The following PID1 variants were observed in gnomAD, a reference collection of about 807,000 sequenced individuals.
PID1 encodes PTB-containing, cubilin and LRP1-interacting protein.
Under a neutral mutation model 19.1 loss-of-function variants are expected in PID1, and 10 were observed. The ratio of observed to expected loss-of-function variants is 0.52; its 90% CI spans 0.32 to 0.89. The LOEUF (loss-of-function observed/expected upper bound fraction) is 0.89. Among genes scored for constraint, PID1 ranks in the 40% least tolerant of loss-of-function variants. The pLI is 0.03. For synonymous variants in PID1, 130 were observed against 116.0 expected (o/e 1.12, Z -0.78); for missense variants, 248 against 285.3 (o/e 0.87, Z 0.94).
At chr2:229,123,383 C>A (rs1408430473) in intron 2 of PID1, among the ~76,000 whole-genome samples, 1 of 152,160 alleles carries the variant, frequency 6.6e-6, no homozygotes, top group Non-Finnish European at 1.5e-5. Context: ...AAATAATAGA[C>A]TATTTTATGG....
intron 2 of PID1, among the ~76,000 whole-genome samples, chr2:229,132,380 C>A (rs1376023916): frequency 6.6e-6 from 1 of 152,162 alleles, no homozygotes; most frequent in Non-Finnish European, 1.5e-5. Context: ...AACTGCCTTT[C>A]GAACCACATG....
chr2:229,047,801 G>A (rs1417056958), intron 2 of PID1, among the ~76,000 whole-genome samples: 1 of 152,130 alleles, frequency 6.6e-6, no homozygotes, highest in African/African-American at 2.4e-5. Context: ...ACACCTCTTA[G>A]AAACAAAATG....
chr2:229,219,219 C>A lies in PID1; in HGVS notation c.30+51795G>T, dbSNP rs377192302. Among the ~76,000 whole-genome samples the A allele has an allele frequency of 3.3e-5, 5 of 152,188 alleles. No individual in the cohort carries two copies. In the East Asian group the frequency reaches 9.7e-4, roughly 29 times the overall value. On this transcript the variant is annotated intron_variant, in intron 1 of 2. Transcript: ENST00000392055. ...TTCTCACACTGCTAATAAAGATACACCCGAGACGCGAGACTGGGTATTTTG... is the reference window on the plus strand; with the variant it reads ...TTCTCACACTGCTAATAAAGATACAACCGAGACGCGAGACTGGGTATTTTG...
intron 2 of PID1, among the ~76,000 whole-genome samples, chr2:229,103,190 C>T (rs1350793514): frequency 6.6e-6 from 1 of 152,134 alleles, no homozygotes; most frequent in African/African-American, 2.4e-5. Context: ...TCAGAGTCCC[C>T]CACTTAGGCC....
intron 1 of PID1, among the ~76,000 whole-genome samples, chr2:229,217,038 C>A (rs1237912476): frequency 6.6e-6 from 1 of 152,178 alleles, no homozygotes; most frequent in Admixed American, 6.5e-5. Context: ...AATCACTATA[C>A]AACCATGGCC....
chr2:229,096,746 A>G (rs6750006), intron 2 of PID1, among the ~76,000 whole-genome samples: 69 of 152,320 alleles, frequency 4.5e-4, no homozygotes, highest in African/African-American at 1.6e-3. Flanking sequence ...GAGGAAAAAC[A>G]TCATGCATAT....
chr2:229,212,728 T>G (rs150100998), intron 1 of PID1, among the ~76,000 whole-genome samples: 170 of 152,304 alleles, frequency 1.1e-3, no homozygotes, highest in African/African-American at 3.7e-3. Flanking sequence ...TAATAGGTAG[T>G]TAATAATTAA....
chr2:229,104,426 ATAAC>A (rs1395723191), intron 2 of PID1, among the ~76,000 whole-genome samples: 1 of 152,244 alleles, frequency 6.6e-6, no homozygotes, highest in Non-Finnish European at 1.5e-5. Flanking sequence ...CTGATTTTGA[ATAAC>A]CAACTATATG....
At chr2:229,132,977 T>G (rs575166354) in intron 2 of PID1, among the ~76,000 whole-genome samples, 3 of 152,324 alleles carry the variant, frequency 2.0e-5, no homozygotes, top group African/African-American at 7.2e-5. Context: ...TGCTTTGTGC[T>G]TTAATTTTTT....
intron 1 of PID1, among the ~76,000 whole-genome samples, chr2:229,182,830 C>T (rs1010983063): frequency 1.3e-4 from 20 of 152,204 alleles, no homozygotes; most frequent in Non-Finnish European, 2.8e-4. Flanking sequence ...TGGCTGTTAA[C>T]GTACACTTCA....
chr2:229,238,179 C>T (rs1417363493), intron 1 of PID1, among the ~76,000 whole-genome samples: 1 of 152,088 alleles, frequency 6.6e-6, no homozygotes, highest in East Asian at 1.9e-4. Flanking sequence ...ATGAATCCCT[C>T]AATTGTCATG....
intron 1 of PID1, among the ~76,000 whole-genome samples, chr2:229,267,166 T>G (rs757731450): frequency 6.6e-6 from 1 of 152,202 alleles, no homozygotes; most frequent in Non-Finnish European, 1.5e-5. Context: ...AACCACTTCA[T>G]CAACCAAAAG....
At chr2:229,093,608 G>C (rs1426836434) in intron 2 of PID1, among the ~76,000 whole-genome samples, 3 of 152,112 alleles carry the variant, frequency 2.0e-5, no homozygotes, top group Non-Finnish European at 2.9e-5. Context: ...TGAGGGCTCT[G>C]GGTTTCATCC....
At chr2:229,196,233 CTA>C (rs1212807140) in intron 1 of PID1, among the ~76,000 whole-genome samples, 1 of 152,002 alleles carries the variant, frequency 6.6e-6, no homozygotes, top group African/African-American at 2.4e-5. Flanking sequence ...TCATTATATT[CTA>C]TTTTATACTC....
chr2:229,056,755 T>TA (rs1553556908), intron 2 of PID1, among the ~76,000 whole-genome samples: 2 of 151,998 alleles, frequency 1.3e-5, no homozygotes, highest in Non-Finnish European at 2.9e-5. Context: ...TCCAGGGTAA[T>TA]AAAGGGCATT....
chr2:229,053,866 C>T (rs924651855), intron 2 of PID1, among the ~76,000 whole-genome samples: 3 of 152,120 alleles, frequency 2.0e-5, no homozygotes, highest in Admixed American at 1.3e-4. Context: ...TCATGACCAA[C>T]GTTTTGGGAT....
rs1574606751 is a variant in PID1 at position 229,073,284 on chromosome 2, C to T, written c.178-47176G>A. Among the ~76,000 whole-genome samples the T allele has an allele frequency of 2.0e-5, 3 of 152,318 alleles. No individual in the cohort carries two copies. In the East Asian group the frequency reaches 5.8e-4, roughly 29 times the overall value. ...TCGTGATCCGCCTGACTCGGCCTCC[C>T]AAAGTGCTGGGATTACAGGTGTGAG... is the stretch of plus-strand genomic sequence containing the variant. On this transcript the variant is annotated intron_variant, in intron 2 of 2. Coordinates refer to ENST00000392055, the MANE Select transcript of PID1 (RefSeq NM_001100818.2).
At chr2:229,185,082 C>T (rs62190434) in intron 1 of PID1, among the ~76,000 whole-genome samples, 126,587 of 142,420 alleles carry the variant, frequency 0.89, 56,453 homozygotes, top group African/African-American at 0.94. Flanking sequence ...ATATATCCTA[C>T]ATATATATCC....
intron 1 of PID1, among the ~76,000 whole-genome samples, chr2:229,239,400 G>C (rs1689808582): frequency 6.6e-6 from 1 of 152,084 alleles, no homozygotes; most frequent in Non-Finnish European, 1.5e-5. Context: ...AACACAGAGA[G>C]AGGAATGCCC....
Sources: gnomAD v4.1 joint callset for allele counts (sites outside exome capture counted in the v4.1 genomes callset) on GRCh38, gnomAD v4.1.1 for gene constraint, MANE v1.5 for transcripts, NCBI Gene and HGNC (gene_info 2026-07-23, HGNC 2026-07-21) for gene names.